Variants in PTPN14 observed in about 807,000 individuals in gnomAD.
The protein encoded by PTPN14 is protein tyrosine phosphatase non-receptor type 14, also known as tyrosine-protein phosphatase non-receptor type 14.
PTPN14 carries 53 observed loss-of-function variants against 126.8 expected under a neutral mutation model. The ratio of observed to expected loss-of-function variants is 0.42; its 90% confidence interval spans 0.34 to 0.53. The LOEUF is 0.53. Among genes scored for constraint, PTPN14 ranks in the 20% least tolerant of loss-of-function variants. The pLI is 0.08. For synonymous variants in PTPN14, 630 were observed against 599.3 expected (o/e 1.05, Z -0.75); for missense variants, 1,257 against 1,552.9 (o/e 0.81, Z 3.20).
At chr1:214,476,332 A>G (rs1660866959) in intron 1 of PTPN14, among the ~76,000 whole-genome samples, 1 of 142,366 alleles carries the variant, frequency 7.0e-6, no homozygotes, top group African/African-American at 2.4e-5. Context: ...AAATCAAAAG[A>G]AACTCACTGA....
chr1:214,414,621 T>C lies in PTPN14; in HGVS notation c.442+8A>G, dbSNP rs374763960. ...GAATTTCACATGCTGCTCATAACTA[T>C]GTCTTACCTTGCACAGCTAGGCCGG... On this transcript the variant is annotated splice_region_variant and intron_variant, in intron 4 of 18. Transcript: ENST00000366956. 6.8e-6 allele frequency: 11 copies of C among 1,608,388 alleles called. 1 individual carries two copies. In the Middle Eastern group the frequency reaches 6.6e-4, roughly 96 times the overall value.
intron 1 of PTPN14, among the ~76,000 whole-genome samples, chr1:214,536,455 T>C (rs936448695): frequency 3.9e-5 from 6 of 152,072 alleles, no homozygotes; most frequent in African/African-American, 1.4e-4. Flanking sequence ...ATTTATAGTA[T>C]ATCAATTGTA....
intron 6 of PTPN14, among the ~76,000 whole-genome samples, chr1:214,402,437 C>CAAAAAAAA (rs1165595746): frequency 8.3e-5 from 4 of 48,142 alleles, no homozygotes; most frequent in African/African-American, 3.8e-4. Flanking sequence ...GAGACTCTGT[C>CAAAAAAAA]AAAAAAAAAA....
chr1:214,429,334 A>G (rs969546779), intron 3 of PTPN14, among the ~76,000 whole-genome samples: 1 of 152,222 alleles, frequency 6.6e-6, no homozygotes, highest in African/African-American at 2.4e-5. Context: ...CTGTAATAAT[A>G]TTACATGAAA....
At chr1:214,469,588 CTT>C (rs1660708794) in intron 1 of PTPN14, among the ~76,000 whole-genome samples, 1 of 152,046 alleles carries the variant, frequency 6.6e-6, no homozygotes, top group African/African-American at 2.4e-5. Flanking sequence ...GGTTTAGACA[CTT>C]TAGATTTTCC....
intron 5 of PTPN14, among the ~76,000 whole-genome samples, 195 bp from the exon 6 acceptor site, chr1:214,403,148 A>G (rs568347426): frequency 1.2e-4 from 18 of 152,322 alleles, no homozygotes; most frequent in African/African-American, 4.3e-4. Flanking sequence ...ACGGCTCTCC[A>G]TTATAACAGG....
intron 3 of PTPN14, among the ~76,000 whole-genome samples, chr1:214,450,511 G>C (rs1193923936): frequency 1.3e-5 from 2 of 151,428 alleles, no homozygotes; most frequent in Admixed American, 6.6e-5. Context: ...GAAAAAGCAA[G>C]CAAGCAGAAT....
chr1:214,504,892 T>C (rs1654794624), intron 1 of PTPN14, among the ~76,000 whole-genome samples: 1 of 152,070 alleles, frequency 6.6e-6, no homozygotes, highest in African/African-American at 2.4e-5. Context: ...ACTTACTGCA[T>C]AAAGAGGGTG....
In PTPN14 at chr1:214,533,771, A is replaced by G. The variant is rs533838808; in HGVS notation, c.-155+17412T>C. On this transcript the variant is annotated intron_variant, in intron 1 of 18. Transcript: ENST00000366956. Reference sequence around the variant, plus strand: ...AGAATGGCGTGAACCCGGGAGGCGGAGCTTGCAGTGAGCCGAGATTGTCCC... The same window carrying G: ...AGAATGGCGTGAACCCGGGAGGCGGGGCTTGCAGTGAGCCGAGATTGTCCC... Among the ~76,000 whole-genome samples the G allele has an allele frequency of 4.3e-4, 65 of 150,756 alleles. 1 individual carries two copies. Among genetic ancestry groups the G allele is most frequent in the African/African-American group, 1.5e-3 (62 of 41,066 alleles).
chr1:214,495,724 C>A (rs999329555), intron 1 of PTPN14, among the ~76,000 whole-genome samples: 5 of 151,834 alleles, frequency 3.3e-5, no homozygotes, highest in African/African-American at 1.2e-4. Context: ...AACGGAAATT[C>A]GCTCTTGTTG....
chr1:214,525,978 T>C (rs1449848598), intron 1 of PTPN14, among the ~76,000 whole-genome samples: 1 of 151,538 alleles, frequency 6.6e-6, no homozygotes, highest in Non-Finnish European at 1.5e-5. Context: ...TTTTTTTTTT[T>C]TTTTTAAGAC....
At chr1:214,519,512 T>A (rs889098800) in intron 1 of PTPN14, among the ~76,000 whole-genome samples, 2 of 152,194 alleles carry the variant, frequency 1.3e-5, no homozygotes, top group African/African-American at 4.8e-5. Context: ...TATACATTGA[T>A]ACATTCCAGG....
intron 1 of PTPN14, among the ~76,000 whole-genome samples, chr1:214,545,837 A>G (rs1655954925): frequency 6.6e-6 from 1 of 152,162 alleles, no homozygotes; most frequent in South Asian, 2.1e-4. Flanking sequence ...AAGTTGGGAC[A>G]GGTAGGATGT....
rs2102548957 is a variant in PTPN14 at position 214,391,040 on chromosome 1, G to T, written c.935C>A (p.Ser312Ter). ...YKQNKICTEQ[S>*]NSPPPIRRQP... ...GCGTCTGATGGGGGGTGGAGAATTT[G>T]ACTGTCTACATGAAGAGGTGAAAAA... Residue 312 changes from serine to a stop codon, truncating the protein, a stop_gained, in exon 11 of 19, where the codon TCA becomes TAA. Transcript: ENST00000366956. LOFTEE classifies it high-confidence loss of function. 6.3e-7 allele frequency: 1 copy of T among 1,584,432 alleles called. No individual in the cohort carries two copies. Among genetic ancestry groups the T allele is most frequent in the Non-Finnish European group, 8.6e-7 (1 of 1,159,592 alleles).
intron 15 of PTPN14, among the ~76,000 whole-genome samples, chr1:214,374,054 G>A (rs1375505182): frequency 6.6e-6 from 1 of 152,162 alleles, no homozygotes; most frequent in Admixed American, 6.5e-5. Context: ...ATGCTGTCAA[G>A]GTGAAATGGT....
intron 3 of PTPN14, among the ~76,000 whole-genome samples, chr1:214,442,875 G>A (rs765546595): frequency 1.3e-5 from 2 of 150,092 alleles, no homozygotes; most frequent in Non-Finnish European, 2.9e-5. Flanking sequence ...CCAGACTGGA[G>A]TGCTATGGTG....
At position 214,469,145 on chromosome 1, in the gene PTPN14, T is replaced by C. The variant is rs144815354; in HGVS notation, c.-154-4188A>G. 8.0e-3 allele frequency among the ~76,000 whole-genome samples: 1,224 copies of C among 152,330 alleles called. 18 individuals are homozygous for C. Among genetic ancestry groups the C allele is most frequent in the African/African-American group, 0.028 (1,161 of 41,560 alleles). ...CCTAAATTATTCCAGGTAAACAATC[T>C]GCTTGACACTAATCTATAACAATAG... On this transcript the variant is annotated intron_variant, in intron 1 of 18. Transcript: ENST00000366956.
rs148495952 is a variant in PTPN14 at position 214,448,087 on chromosome 1, T to C, written c.344+3718A>G. On this transcript the variant is annotated intron_variant, in intron 3 of 18. Transcript: ENST00000366956. ...GAAATTTAAATACCTTTTGTTTTAG[T>C]CTATGAATGCAAACATTGACAGTCA... Among the ~76,000 whole-genome samples the C allele has an allele frequency of 4.9e-3, 752 of 152,378 alleles. 11 individuals carry two copies. The highest frequency in any genetic ancestry group is 0.017 in the African/African-American group (707 of 41,598).
Position 214,460,059 on chromosome 1 carries a change from G to A in PTPN14, c.174+4571C>T, listed in dbSNP as rs138254356. On this transcript the variant is annotated intron_variant, in intron 2 of 18. Coordinates refer to ENST00000366956, the MANE Select transcript of PTPN14 (RefSeq NM_005401.5). Reference sequence around the variant, plus strand: ...AGTCTCTGGGAACTGGAACAGTGGCGTCAGCTGCCAGGGTTTGAACCGGCC... The same window carrying A: ...AGTCTCTGGGAACTGGAACAGTGGCATCAGCTGCCAGGGTTTGAACCGGCC... Among the ~76,000 whole-genome samples the A allele has an allele frequency of 5.1e-3, 783 of 152,238 alleles. 6 individuals carry two copies. Among genetic ancestry groups the A allele is most frequent in the Non-Finnish European group, 8.3e-3 (565 of 68,016 alleles).
Sources: gnomAD v4.1 joint callset for allele counts (sites outside exome capture counted in the v4.1 genomes callset) on GRCh38, gnomAD v4.1.1 for gene constraint, MANE v1.5 for transcripts, NCBI Gene and HGNC (gene_info 2026-07-23, HGNC 2026-07-21) for gene names.